Variants in SSBP2 observed in about 807,000 individuals in gnomAD.
SSBP2 encodes the protein single stranded DNA binding protein 2.
Under a neutral mutation model 61.8 loss-of-function variants are expected in SSBP2, and 17 were observed. The ratio of observed to expected loss-of-function variants is 0.28; its 90% CI spans 0.19 to 0.41. SSBP2 has a LOEUF of 0.41. SSBP2 is among the 10% of genes least tolerant of loss of function. The pLI, the probability that SSBP2 is intolerant of heterozygous loss-of-function variation, is 1.00. For synonymous variants in SSBP2, 139 were observed against 141.3 expected (o/e 0.98, Z 0.12); for missense variants, 310 against 458.7 (o/e 0.68, Z 2.96).
chr5:81,433,417 G>C (rs1001682917), intron 15 of SSBP2, among the ~76,000 whole-genome samples: 5 of 151,860 alleles, frequency 3.3e-5, no homozygotes, highest in East Asian at 1.9e-4. Flanking sequence ...CAGCATGCTC[G>C]TTAAGAGTCA....
intron 1 of SSBP2, among the ~76,000 whole-genome samples, chr5:81,688,607 A>C (rs1206690754): frequency 6.6e-6 from 1 of 152,208 alleles, no homozygotes; most frequent in Non-Finnish European, 1.5e-5. Context: ...GAAAAAGAAT[A>C]AGAGTTTCCA....
rs559214650 is a variant in SSBP2 at position 81,455,043 on chromosome 5, C to A, written c.687+6012G>T. 3.3e-5 allele frequency among the ~76,000 whole-genome samples: 5 copies of A among 152,174 alleles called. No homozygotes were observed. In the South Asian group the frequency reaches 1.0e-3, roughly 32 times the overall value. On this transcript the variant is annotated intron_variant, in intron 10 of 16. Transcript: ENST00000320672. ...ACTGCTGGTAAAGCATCAGGGAGGA[C>A]CTGGCTGAGGCTGAACATCACAGAT...
intron 4 of SSBP2, among the ~76,000 whole-genome samples, chr5:81,594,628 C>T (rs1335920479): frequency 4.6e-5 from 7 of 152,108 alleles, no homozygotes; most frequent in Non-Finnish European, 8.8e-5. Flanking sequence ...AGAACAGAAA[C>T]TATAACAAAC....
chr5:81,633,475 A>C (rs1747922518), intron 3 of SSBP2, among the ~76,000 whole-genome samples: 1 of 151,914 alleles, frequency 6.6e-6, no homozygotes, highest in African/African-American at 2.4e-5. Context: ...TAATATTGCA[A>C]GGTTTCTGTA....
intron 4 of SSBP2, among the ~76,000 whole-genome samples, chr5:81,581,416 T>C (rs1182245942): frequency 6.6e-6 from 1 of 152,144 alleles, no homozygotes; most frequent in African/African-American, 2.4e-5. Flanking sequence ...ACCTTACAAT[T>C]TTGTGAAGGC....
At chr5:81,634,058 A>C (rs1747977255) in intron 3 of SSBP2, among the ~76,000 whole-genome samples, 6 of 152,218 alleles carry the variant, frequency 3.9e-5, no homozygotes, top group Admixed American at 3.9e-4. Context: ...GGCACTCTTA[A>C]GATTTAACCT....
rs1029518128 is a variant in SSBP2 at position 81,414,414 on chromosome 5, C to T, written c.*6090G>A. 2 of 152,134 alleles carry T rather than the reference C, an allele frequency of 1.3e-5. No homozygotes were observed. The highest frequency in any genetic ancestry group is 1.5e-5 in the Non-Finnish European group (1 of 68,008). The allele number at this position is 152,134 out of a possible 1,614,324, so 9.4% of individuals were successfully genotyped here. A position where few individuals can be genotyped will look rare whatever the true frequency, so the allele number is the denominator to read the frequency against. Reference sequence around the variant, plus strand: ...AACAGAGGAAATTCTCCTTGGGACACTTATTGAACTGAGGATTTCACTTCA... The same window carrying T: ...AACAGAGGAAATTCTCCTTGGGACATTTATTGAACTGAGGATTTCACTTCA... On this transcript the variant is annotated 3_prime_UTR_variant, in exon 17 of 17. Coordinates refer to ENST00000320672, the MANE Select transcript of SSBP2 (RefSeq NM_012446.5).
In SSBP2 at chr5:81,614,253, G is replaced by A. The variant is rs538340009; in HGVS notation, c.282+1220C>T. ...CGGGCGCCTGTAATCCCAGCTACTT[G>A]GGAGGCTGAGGCAGGAGAATGGCGT... is the stretch of plus-strand genomic sequence containing the variant. On this transcript the variant is annotated intron_variant, in intron 4 of 16. Transcript: ENST00000320672. 6.3e-3 allele frequency among the ~76,000 whole-genome samples: 953 copies of A among 151,462 alleles called. 5 individuals are homozygous for A. The highest frequency in any genetic ancestry group is 0.02 in the African/African-American group (833 of 41,312).
At chr5:81,575,329 T>C (rs1774130180) in intron 4 of SSBP2, among the ~76,000 whole-genome samples, 1 of 152,170 alleles carries the variant, frequency 6.6e-6, no homozygotes, top group African/African-American at 2.4e-5. Flanking sequence ...ATAGTGATAA[T>C]GATGGCTCGT....
intron 15 of SSBP2, among the ~76,000 whole-genome samples, chr5:81,433,969 A>G (rs1400349028): frequency 1.3e-5 from 2 of 152,232 alleles, no homozygotes; most frequent in African/African-American, 4.8e-5. Flanking sequence ...TAGTGTCTGT[A>G]TAGCACTTCA....
intron 3 of SSBP2, among the ~76,000 whole-genome samples, chr5:81,622,413 A>G (rs1330907353): frequency 6.6e-6 from 1 of 152,222 alleles, no homozygotes; most frequent in African/African-American, 2.4e-5. Context: ...TAAGACAAGT[A>G]GTTAAGAGCA....
At chr5:81,525,493 T>C (rs1303316775) in intron 4 of SSBP2, among the ~76,000 whole-genome samples, 1 of 152,008 alleles carries the variant, frequency 6.6e-6, no homozygotes, top group Non-Finnish European at 1.5e-5. Context: ...AGAGCTAACA[T>C]TCTTGAGAGT....
At chr5:81,735,613 A>C (rs1020574333) in intron 1 of SSBP2, among the ~76,000 whole-genome samples, 1 of 152,222 alleles carries the variant, frequency 6.6e-6, no homozygotes, top group Non-Finnish European at 1.5e-5. Flanking sequence ...GCAACCATCC[A>C]TTTTTGATTT....
upstream of SSBP2, chr5:81,751,113 G>A: frequency 6.7e-7 from 1 of 1,492,028 alleles, no homozygotes; most frequent in Non-Finnish European, 9.1e-7. Context: ...GAACAGCCCC[G>A]TCCCCATGGC....
chr5:81,610,530 G>C (rs1295010421), intron 4 of SSBP2, among the ~76,000 whole-genome samples: 1 of 152,122 alleles, frequency 6.6e-6, no homozygotes, highest in Non-Finnish European at 1.5e-5. Flanking sequence ...GAACTGATAA[G>C]AACTATCTAC....
At chr5:81,647,973 G>A (rs1749410710) in intron 2 of SSBP2, among the ~76,000 whole-genome samples, 1 of 152,032 alleles carries the variant, frequency 6.6e-6, no homozygotes, top group Non-Finnish European at 1.5e-5. Context: ...AATAATCACT[G>A]TATCTAATAT....
intron 11 of SSBP2, chr5:81,447,832 GT>G (rs1205446938): frequency 6.6e-6 from 1 of 152,024 alleles, no homozygotes; most frequent in Non-Finnish European, 1.5e-5. Flanking sequence ...GAAAAAATAG[GT>G]TTTATATAAA....
chr5:81,424,158 G>T (rs2153893048), intron 16 of SSBP2, among the ~76,000 whole-genome samples: 1 of 152,238 alleles, frequency 6.6e-6, no homozygotes, highest in African/African-American at 2.4e-5. Flanking sequence ...GGGCATGGTG[G>T]GTCACGCCTG....
At chr5:81,466,431 T>C (rs1764895303) in intron 9 of SSBP2, among the ~76,000 whole-genome samples, 1 of 152,082 alleles carries the variant, frequency 6.6e-6, no homozygotes, top group Non-Finnish European at 1.5e-5. Context: ...CGGAAAGTTC[T>C]TTGATAGAGA....
Sources: allele counts gnomAD v4.1 joint callset (sites outside exome capture counted in the v4.1 genomes callset), GRCh38; gene constraint gnomAD v4.1.1; transcripts MANE v1.5; gene names NCBI Gene and HGNC (gene_info 2026-07-23, HGNC 2026-07-21).